Variants in ARK2C observed in about 807,000 individuals in gnomAD.
ARK2C encodes the protein E3 ubiquitin-protein ligase ARK2C.
chr18:46,451,697 A>G, the ARK2C span, among the ~76,000 whole-genome samples: 1 of 152,184 alleles, frequency 6.6e-6, no homozygotes, highest in Non-Finnish European at 1.5e-5. Flanking sequence ...CCTAGTTACT[A>G]GGGAGGCTGA....
chr18:46,380,530 A>T, the ARK2C span, among the ~76,000 whole-genome samples: 1 of 151,970 alleles, frequency 6.6e-6, no homozygotes, highest in Non-Finnish European at 1.5e-5. Context: ...ACCTGTGTGA[A>T]CTCTGACCCA....
the ARK2C span, among the ~76,000 whole-genome samples, chr18:46,358,681 C>G: frequency 2.0e-5 from 3 of 152,084 alleles, no homozygotes; most frequent in African/African-American, 7.2e-5. Context: ...AGCCTCCGGC[C>G]CTTACTGACA....
At chr18:46,368,539 T>A in the ARK2C span, among the ~76,000 whole-genome samples, 5 of 152,216 alleles carry the variant, frequency 3.3e-5, no homozygotes, top group African/African-American at 1.2e-4. Context: ...TGTTCCCAGC[T>A]CCACTGGTCA....
chr18:46,347,394 T>C, the ARK2C span, among the ~76,000 whole-genome samples: 11 of 152,296 alleles, frequency 7.2e-5, no homozygotes, highest in Admixed American at 3.3e-4. Context: ...CCTCCTCTCC[T>C]GCCCCTCTGC....
the ARK2C span, among the ~76,000 whole-genome samples, chr18:46,359,151 C>T: frequency 6.6e-6 from 1 of 152,230 alleles, no homozygotes; most frequent in Non-Finnish European, 1.5e-5. Context: ...TAGAACAATG[C>T]AATTCAATTC....
the ARK2C span, among the ~76,000 whole-genome samples, chr18:46,345,582 C>T: frequency 2.0e-5 from 3 of 152,168 alleles, no homozygotes; most frequent in Non-Finnish European, 4.4e-5. Flanking sequence ...TAGACGTGTG[C>T]GCAGCAGAGA....
chr18:46,430,840 A>G, the ARK2C span, among the ~76,000 whole-genome samples: 2 of 152,212 alleles, frequency 1.3e-5, no homozygotes, highest in African/African-American at 4.8e-5. Flanking sequence ...TATGGATTAT[A>G]TTGTTTTGAA....
chr18:46,411,720 C>T, the ARK2C span, among the ~76,000 whole-genome samples: 2 of 152,190 alleles, frequency 1.3e-5, no homozygotes, highest in Non-Finnish European at 2.9e-5. Context: ...CTGAAGGAAT[C>T]TCAGATATGG....
At chr18:46,370,628 G>A in the ARK2C span, among the ~76,000 whole-genome samples, 1 of 152,206 alleles carries the variant, frequency 6.6e-6, no homozygotes, top group Non-Finnish European at 1.5e-5. Flanking sequence ...AAACGTACCA[G>A]GTGTGGGTGA....
At chr18:46,374,600 C>T in the ARK2C span, among the ~76,000 whole-genome samples, 1 of 149,200 alleles carries the variant, frequency 6.7e-6, no homozygotes, top group Non-Finnish European at 1.5e-5. Context: ...GATTTCATTC[C>T]CCAGCCAGGT....
At chr18:46,408,959 A>G in the ARK2C span, among the ~76,000 whole-genome samples, 54 of 152,324 alleles carry the variant, frequency 3.5e-4, no homozygotes, top group Non-Finnish European at 6.3e-4. Flanking sequence ...CCGCAGGACC[A>G]TCTTCTATTT....
chr18:46,367,410 A>G, the ARK2C span, among the ~76,000 whole-genome samples: 1 of 152,296 alleles, frequency 6.6e-6, no homozygotes, highest in East Asian at 1.9e-4. Flanking sequence ...CAATTTGTCC[A>G]TAGTAGTGAC....
At chr18:46,364,538 G>A in the ARK2C span, among the ~76,000 whole-genome samples, 1 of 152,088 alleles carries the variant, frequency 6.6e-6, no homozygotes, top group Non-Finnish European at 1.5e-5. Context: ...ATCATTTCAG[G>A]CCACCTCCCC....
the ARK2C span, among the ~76,000 whole-genome samples, chr18:46,401,767 T>G: frequency 1.3e-5 from 2 of 152,226 alleles, no homozygotes; most frequent in Non-Finnish European, 2.9e-5. Context: ...GACTTTAAAG[T>G]TGAGGAGGCC....
chr18:46,415,937 C>A, the ARK2C span, among the ~76,000 whole-genome samples: 5 of 152,164 alleles, frequency 3.3e-5, no homozygotes, highest in African/African-American at 1.2e-4. Flanking sequence ...GAAAACAGTG[C>A]CTGAAGCCTT....
chr18:46,437,568 C>G, the ARK2C span, among the ~76,000 whole-genome samples: 2 of 151,768 alleles, frequency 1.3e-5, no homozygotes, highest in East Asian at 3.9e-4. Context: ...CGTCCACCCC[C>G]TGAGGTTACC....
At chr18:46,393,312 C>A in the ARK2C span, among the ~76,000 whole-genome samples, 1 of 152,136 alleles carries the variant, frequency 6.6e-6, no homozygotes, top group Non-Finnish European at 1.5e-5. Flanking sequence ...TGTTCTGGGC[C>A]GGTGGAGAGC....
At chr18:46,358,201 C>G in the ARK2C span, among the ~76,000 whole-genome samples, 2 of 152,140 alleles carry the variant, frequency 1.3e-5, no homozygotes, top group Admixed American at 1.3e-4. Context: ...TGAGCTGGAC[C>G]CCCTGTGAGG....
At chr18:46,384,988 G>A in the ARK2C span, among the ~76,000 whole-genome samples, 1 of 152,230 alleles carries the variant, frequency 6.6e-6, no homozygotes, top group African/African-American at 2.4e-5. Flanking sequence ...GGTCACCTTT[G>A]TGCCCGTAGA....
Sources: gnomAD v4.1 joint callset for allele counts (sites outside exome capture counted in the v4.1 genomes callset) on GRCh38, gnomAD v4.1.1 for gene constraint, MANE v1.5 for transcripts, NCBI Gene and HGNC (gene_info 2026-07-23, HGNC 2026-07-21) for gene names.